MALT1: variants seen among roughly 807,000 people sequenced by gnomAD.
MALT1 encodes the protein MALT1 paracaspase.
MALT1 carries 36 observed loss-of-function variants against 85.5 expected under a neutral mutation model. The observed-to-expected ratio is 0.42, with a 90% CI of 0.32 to 0.56. The LOEUF is 0.56. Ranked by LOEUF, MALT1 falls within the 20% of genes least tolerant of loss-of-function variation. MALT1 has a pLI of 0.10. For missense variants in MALT1, 716 were observed against 981.6 expected, an observed-to-expected ratio of 0.73 and a Z score of 3.62; for synonymous variants, 359 against 361.3, an observed-to-expected ratio of 0.99 and a Z score of 0.07.
At chr18:58,734,477 A>C in intron 12 of MALT1, 96 bp downstream of exon 12, 2 of 928,430 alleles carry the variant, frequency 2.2e-6, no homozygotes, top group Non-Finnish European at 3.5e-6. Context: ...TCTGTCACCC[A>C]GGCTGGAGTG....
chr18:58,684,740 C>T (rs1309585249), intron 2 of MALT1, among the ~76,000 whole-genome samples: 1 of 151,866 alleles, frequency 6.6e-6, no homozygotes, highest in Non-Finnish European at 1.5e-5. Flanking sequence ...GCCACTGCGC[C>T]CAGCCAACTT....
In MALT1 at chr18:58,734,358, C is replaced by A. The variant is rs1382734479; in HGVS notation, c.1452C>A (p.Ala484=). 4 of 1,613,312 alleles carry A rather than the reference C, an allele frequency of 2.5e-6. No homozygotes were observed. The highest frequency in any genetic ancestry group is 3.4e-6 in the Non-Finnish European group (4 of 1,179,402). The change falls in exon 12 of 17, where the codon GCC becomes GCA. Residue 484 remains alanine (A), a synonymous_variant. Coordinates refer to ENST00000649217, the MANE Select transcript of MALT1 (RefSeq NM_006785.4). ...TCTTGGATGCACTAAAAGTCACCGCCAATATTGTGTTTGGATATGCCACGT... is the reference window on the plus strand; with the variant it reads ...TCTTGGATGCACTAAAAGTCACCGCAAATATTGTGTTTGGATATGCCACGT... ...IPILDALKVT[A]NIVFGYATCQ... is the part of the protein sequence containing the mutation.
intron 6 of MALT1, among the ~76,000 whole-genome samples, chr18:58,710,702 G>A (rs1374562328): frequency 6.6e-6 from 1 of 152,046 alleles, no homozygotes; most frequent in Non-Finnish European, 1.5e-5. Context: ...ATAAAGGAAA[G>A]AAAGGTTATT....
chr18:58,730,309 C>G lies in MALT1; in HGVS notation c.1223-3088C>G, dbSNP rs544136716. Among the ~76,000 whole-genome samples, 6 of 152,268 alleles carry G rather than the reference C, an allele frequency of 3.9e-5. No individual in the cohort carries two copies. The South Asian group carries it at 1.2e-3, about 32-fold the overall frequency. On this transcript the variant is annotated intron_variant, in intron 10 of 16. Transcript: ENST00000649217. The stretch of plus-strand genomic sequence containing the variant: ...ACCCCATATCCATTAACAGTCACTC[C>G]CATTCCTCCTTACCCCAGCCCCTGG...
At chr18:58,716,379 T>A (rs554530100) in intron 9 of MALT1, among the ~76,000 whole-genome samples, 12 of 152,340 alleles carry the variant, frequency 7.9e-5, no homozygotes, top group Middle Eastern at 3.4e-3. Flanking sequence ...GGATAAAATG[T>A]AAACGAACAG....
At position 58,696,451 on chromosome 18, in the gene MALT1, T is replaced by C; in HGVS notation, c.462T>C (p.Pro154=). 6.3e-7 allele frequency: 1 copy of C among 1,598,422 alleles called. No homozygotes were observed. ...VKLCCRATGH[P]FVQYQWFKMN... is the part of the protein sequence containing the mutation. ...TGTGTTGCCGGGCAACTGGACATCCTTTTGTTCAATATCAGTGGTTCAAAA... is the reference window on the plus strand; with the variant it reads ...TGTGTTGCCGGGCAACTGGACATCCCTTTGTTCAATATCAGTGGTTCAAAA... Residue 154 remains proline, a synonymous_variant, in exon 3 of 17, where the codon CCT becomes CCC. Coordinates refer to ENST00000649217, the MANE Select transcript of MALT1 (RefSeq NM_006785.4).
Position 58,723,099 on chromosome 18 carries a change from C to T in MALT1, c.1070C>T (p.Pro357Leu). Residue 357 changes from proline (P) to leucine (L), a missense_variant, in exon 10 of 17, where the codon CCC (proline) becomes CTC (leucine). Physicochemically the swap from Pro to Leu is moderately conservative, Grantham distance 98. Around this residue, in one of 4 missense-constraint regions of MALT1, gnomAD observed 290 missense variants for 380.5 expected, o/e 0.76. Transcript: ENST00000649217. ...GGAAATATGAATTACCGGGAGCACC[C>T]CAAGCTCAAAGCTCCTTTGGTGGAT... The part of the protein sequence containing the change: ...LIGNMNYREH[P>L]KLKAPLVDVY... The T allele has an allele frequency of 6.2e-7, 1 of 1,613,762 alleles. No homozygotes were observed. Among genetic ancestry groups the T allele is most frequent in the Non-Finnish European group, 8.5e-7 (1 of 1,179,860 alleles).
chr18:58,746,814 A>G (rs1244933672), intron 16 of MALT1, among the ~76,000 whole-genome samples: 1 of 151,508 alleles, frequency 6.6e-6, no homozygotes, highest in Non-Finnish European at 1.5e-5. Context: ...TGCAACCTCC[A>G]CCTCCCAGAC....
intron 10 of MALT1, among the ~76,000 whole-genome samples, chr18:58,730,774 C>G (rs1602331576): frequency 6.6e-6 from 1 of 152,234 alleles, no homozygotes; most frequent in African/African-American, 2.4e-5. Flanking sequence ...TCCAATTTCT[C>G]TGCATCCTTG....
At chr18:58,703,524 A>ACC (rs2054703937) in intron 4 of MALT1, among the ~76,000 whole-genome samples, 2 of 152,174 alleles carry the variant, frequency 1.3e-5, no homozygotes, top group Non-Finnish European at 2.9e-5. Context: ...GGCCTCAGGA[A>ACC]ACTTACAATC....
At position 58,700,566 on chromosome 18, in the gene MALT1, T is replaced by C; in HGVS notation, c.624T>C (p.Val208=). Residue 208 remains valine (V), a synonymous_variant, in exon 4 of 17, where the codon GTT becomes GTC. Transcript: ENST00000649217. ...TCAGCCAGTGGTCACAGCTGGATGT[T>C]TGCGACATCCCAGAGAGCTTCCAGA... ...FEFSQWSQLD[V]CDIPESFQRS... The C allele has an allele frequency of 6.2e-7, 1 of 1,608,772 alleles. No individual in the cohort carries two copies. The highest frequency in any genetic ancestry group is 8.5e-7 in the Non-Finnish European group (1 of 1,178,402).
At chr18:58,717,600 G>T (rs2054920636) in intron 9 of MALT1, among the ~76,000 whole-genome samples, 1 of 151,952 alleles carries the variant, frequency 6.6e-6, no homozygotes, top group Middle Eastern at 3.2e-3. Context: ...GAGAAGATAG[G>T]CTGGGTGTGG....
Position 58,717,025 on chromosome 18 carries a change from G to A in MALT1, c.1018+1058G>A, listed in dbSNP as rs189975604. ...GAAGCTGAGGACATTTTTAGTTTAT[G>A]TTTTTTGTTTCTAAGTAATTAGGCG... is the stretch of plus-strand genomic sequence containing the variant. On this transcript the variant is annotated intron_variant, in intron 9 of 16. Coordinates refer to ENST00000649217, the MANE Select transcript of MALT1 (RefSeq NM_006785.4). Among the ~76,000 whole-genome samples the A allele has an allele frequency of 7.2e-5, 11 of 152,266 alleles. No individual in the cohort carries two copies. In the East Asian group the frequency reaches 2.1e-3, roughly 29 times the overall value.
At position 58,671,657 on chromosome 18, in the gene MALT1, G is replaced by A. The variant is rs2054162030; in HGVS notation, c.14G>A (p.Gly5Glu). 1.6e-6 allele frequency: 2 copies of A among 1,219,322 alleles called. No individual in the cohort carries two copies. The highest frequency in any genetic ancestry group is 1.6e-5 in the African/African-American group (1 of 63,650). 75.5% of individuals were successfully genotyped at this position (1,219,322 alleles called of 1,614,324 possible). A position where few individuals can be genotyped will look rare whatever the true frequency, so the allele number is the denominator to read the frequency against. MSLL[G>E]DPLQALPPSA... Reference sequence around the variant, plus strand: ...CCGGCGAGGGCCATGTCGCTGTTGGGGGACCCGCTACAGGCCCTGCCGCCC... The same window carrying A: ...CCGGCGAGGGCCATGTCGCTGTTGGAGGACCCGCTACAGGCCCTGCCGCCC... Residue 5 changes from glycine to glutamate, a missense_variant, in exon 1 of 17, where the codon GGG becomes GAG. Coordinates refer to ENST00000649217, the MANE Select transcript of MALT1 (RefSeq NM_006785.4).
At chr18:58,672,082 C>T in intron 1 of MALT1, 1 of 343,852 alleles carries the variant, frequency 2.9e-6, no homozygotes, top group Non-Finnish European at 5.2e-6. Context: ...CAAAAGTGGC[C>T]CAGCGGCTGC....
intron 2 of MALT1, among the ~76,000 whole-genome samples, chr18:58,686,645 G>A (rs1306120318): frequency 6.6e-6 from 1 of 152,182 alleles, no homozygotes; most frequent in Non-Finnish European, 1.5e-5. Context: ...CATCTTTTCA[G>A]TGGCACCTTT....
At chr18:58,710,098 G>C in intron 6 of MALT1, 26 bp downstream of exon 6, 1 of 1,405,454 alleles carries the variant, frequency 7.1e-7, no homozygotes, top group Non-Finnish European at 1.0e-6. Context: ...CCAGTGTTCT[G>C]ACAAGTGGAC....
intron 3 of MALT1, among the ~76,000 whole-genome samples, chr18:58,699,408 G>A (rs977071848): frequency 1.3e-5 from 2 of 152,180 alleles, no homozygotes; most frequent in African/African-American, 4.8e-5. Flanking sequence ...CACATCCTGA[G>A]CAAAATACTC....
intron 4 of MALT1, among the ~76,000 whole-genome samples, 177 bp downstream of exon 4, chr18:58,700,768 CT>C (rs528649115): frequency 3.4e-5 from 5 of 149,028 alleles, no homozygotes; most frequent in Non-Finnish European, 4.5e-5. Flanking sequence ...TTTTGTCTTT[CT>C]TTTTTTTTTA....
Sources: allele counts gnomAD v4.1 joint callset (sites outside exome capture counted in the v4.1 genomes callset), GRCh38; gene constraint gnomAD v4.1.1; regional missense constraint gnomAD v4.1.1; transcripts MANE v1.5; gene names NCBI Gene and HGNC (gene_info 2026-07-23, HGNC 2026-07-21).